SSBP3: variants seen among roughly 807,000 people sequenced by gnomAD.
SSBP3 encodes the protein single-stranded DNA-binding protein 3.
In SSBP3, 5 loss-of-function variants were observed where a neutral mutation model predicts 69.6. The ratio of observed to expected loss-of-function variants is 0.07; its 90% CI spans 0.04 to 0.15. SSBP3 has a LOEUF of 0.15. SSBP3 is among the 10% of genes least tolerant of loss of function. SSBP3 has a pLI of 1.00. For synonymous variants in SSBP3, 196 were observed against 193.4 expected (o/e 1.01, Z -0.11); for missense variants, 312 against 534.0 (o/e 0.58, Z 4.10).
upstream of SSBP3, among the ~76,000 whole-genome samples, chr1:54,406,580 T>A (rs1266352706): frequency 1.3e-5 from 2 of 151,748 alleles, no homozygotes; most frequent in African/African-American, 2.4e-5. Context: ...AGCCGCTGCC[T>A]GCTCCTGCAG....
chr1:54,369,392 A>G (rs1392098614), intron 4 of SSBP3, among the ~76,000 whole-genome samples: 1 of 152,254 alleles, frequency 6.6e-6, no homozygotes, highest in Admixed American at 6.5e-5. Context: ...GATGAGAGGG[A>G]CTGTGCAGCT....
intron 4 of SSBP3, among the ~76,000 whole-genome samples, chr1:54,350,973 TGCC>T (rs1440633519): frequency 6.6e-6 from 1 of 152,094 alleles, no homozygotes; most frequent in Non-Finnish European, 1.5e-5. Flanking sequence ...TACAGGCACG[TGCC>T]GCCAAGCCCA....
intron 14 of SSBP3, chr1:54,238,265 G>A (rs1644535320): frequency 2.1e-6 from 1 of 470,946 alleles, no homozygotes; most frequent in South Asian, 1.5e-5. Flanking sequence ...AAACCAGAGT[G>A]CCCCAAAAGG....
chr1:54,316,680 ATAAAT>A (rs1646115775), intron 4 of SSBP3, among the ~76,000 whole-genome samples: 1 of 129,504 alleles, frequency 7.7e-6, no homozygotes, highest in Admixed American at 7.3e-5. Context: ...AAATAAATAA[ATAAAT>A]AAATAAATAA....
intron 4 of SSBP3, among the ~76,000 whole-genome samples, chr1:54,282,648 G>A (rs888603154): frequency 6.6e-5 from 10 of 152,176 alleles, no homozygotes; most frequent in African/African-American, 7.2e-5. Context: ...GGGGCGGGGC[G>A]AGGCTGAGAC....
intron 5 of SSBP3, among the ~76,000 whole-genome samples, chr1:54,277,907 A>C (rs547004136): frequency 5.9e-5 from 9 of 152,158 alleles, no homozygotes; most frequent in Non-Finnish European, 1.3e-4. Flanking sequence ...CCAGATGTGC[A>C]GCCCAACCGA....
intron 5 of SSBP3, among the ~76,000 whole-genome samples, chr1:54,280,002 G>T (rs1254549133): frequency 6.6e-6 from 1 of 152,134 alleles, no homozygotes; most frequent in African/African-American, 2.4e-5. Context: ...CCACCCCTTG[G>T]ACAAGGCTCC....
At chr1:54,251,515 G>A (rs759872095) in intron 9 of SSBP3, 101 bp downstream of exon 9, 23 of 1,286,966 alleles carry the variant, frequency 1.8e-5, no homozygotes, top group African/African-American at 3.0e-5. Flanking sequence ...TCACCCCTGC[G>A]AACTGAGAGA....
At chr1:54,282,935 T>G (rs1645423105) in intron 4 of SSBP3, among the ~76,000 whole-genome samples, 1 of 152,178 alleles carries the variant, frequency 6.6e-6, no homozygotes, top group Non-Finnish European at 1.5e-5. Context: ...CATCACCACC[T>G]TCAAGAAGTC....
intron 13 of SSBP3, among the ~76,000 whole-genome samples, chr1:54,240,107 T>TGCGCGC (rs771724967): frequency 3.0e-5 from 4 of 134,574 alleles, no homozygotes; most frequent in Admixed American, 7.1e-5. Flanking sequence ...CGCGTGTGCG[T>TGCGCGC]GCGCGCGCGC....
intron 9 of SSBP3, among the ~76,000 whole-genome samples, chr1:54,250,796 C>A (rs1020021713): frequency 6.6e-6 from 1 of 152,132 alleles, no homozygotes; most frequent in South Asian, 2.1e-4. Context: ...AACAGAACCA[C>A]GTGCAAACAC....
At chr1:54,288,890 G>T (rs1645542642) in intron 4 of SSBP3, among the ~76,000 whole-genome samples, 1 of 151,716 alleles carries the variant, frequency 6.6e-6, no homozygotes, top group South Asian at 2.1e-4. Context: ...TGTGGTGGCG[G>T]GTGCCTGTAG....
At chr1:54,251,163 C>T (rs917296879) in intron 9 of SSBP3, among the ~76,000 whole-genome samples, 1 of 152,160 alleles carries the variant, frequency 6.6e-6, no homozygotes, top group South Asian at 2.1e-4. Flanking sequence ...CATCCAAGGA[C>T]AGACACATGC....
intron 4 of SSBP3, among the ~76,000 whole-genome samples, chr1:54,334,397 A>T (rs1646473681): frequency 6.6e-6 from 1 of 152,190 alleles, no homozygotes; most frequent in South Asian, 2.1e-4. Context: ...CAAATAAAAT[A>T]CAAGTCAGAT....
intron 4 of SSBP3, among the ~76,000 whole-genome samples, chr1:54,300,376 G>A (rs1645779655): frequency 6.6e-6 from 1 of 152,188 alleles, no homozygotes. Context: ...AGAGTGGAGA[G>A]TATCATCATG....
chr1:54,306,606 G>A (rs1183318286), intron 4 of SSBP3, among the ~76,000 whole-genome samples: 1 of 152,190 alleles, frequency 6.6e-6, no homozygotes, highest in Non-Finnish European at 1.5e-5. Flanking sequence ...TTAGAAAGAA[G>A]ATAATAATAC....
intron 17 of SSBP3, 96 bp downstream of exon 17, chr1:54,228,159 C>T (rs1291536442): frequency 1.8e-6 from 2 of 1,132,452 alleles, no homozygotes; most frequent in East Asian, 4.7e-5. Context: ...ACCAGCTTAG[C>T]TGGCAGGCTG....
intron 4 of SSBP3, among the ~76,000 whole-genome samples, chr1:54,373,558 G>A (rs1647170539): frequency 6.6e-6 from 1 of 152,060 alleles, no homozygotes; most frequent in Non-Finnish European, 1.5e-5. Flanking sequence ...GAGACCAGGA[G>A]TTCAAGACCA....
At chr1:54,398,441 CT>C (rs1553150509) in intron 4 of SSBP3, among the ~76,000 whole-genome samples, 1 of 152,130 alleles carries the variant, frequency 6.6e-6, no homozygotes, top group Non-Finnish European at 1.5e-5. Context: ...AAAAGGATTG[CT>C]TGTTGTTTGA....
Sources: allele counts gnomAD v4.1 joint callset (sites outside exome capture counted in the v4.1 genomes callset), GRCh38; gene constraint gnomAD v4.1.1; transcripts MANE v1.5; gene names NCBI Gene and HGNC (gene_info 2026-07-23, HGNC 2026-07-21).